The following SSH2 variants were observed in gnomAD, a reference collection of about 807,000 sequenced individuals.
SSH2 encodes protein phosphatase Slingshot homolog 2.
A neutral mutation model predicts 135.2 loss-of-function variants in SSH2; 37 were observed. That is an observed-to-expected ratio of 0.27 (90% CI 0.21 to 0.36). The LOEUF (loss-of-function observed/expected upper bound fraction) is 0.36, where lower values mean the gene tolerates loss of function less well. SSH2 is among the 10% of genes least tolerant of loss of function. The pLI is 1.00. For missense variants in SSH2, 1,408 were observed against 1,765.3 expected, an observed-to-expected ratio of 0.80 and a Z score of 3.63; for synonymous variants, 628 against 646.2, an observed-to-expected ratio of 0.97 and a Z score of 0.43.
rs1326417468 is a variant in SSH2 at position 29,632,732 on chromosome 17, TG to T, written c.2461del (p.Gln821ArgfsTer23). 2 of 1,614,112 alleles carry T rather than the reference TG, an allele frequency of 1.2e-6. No homozygotes were observed. On this transcript the variant is annotated frameshift_variant, in exon 16 of 16. Coordinates refer to ENST00000540801, the MANE Select transcript of SSH2 (RefSeq NM_001282129.2). LOFTEE classifies it high-confidence loss of function. ...ATGTCCAGGTTTGTTCTCTGGAGTCTGGGCCCTCTCAAGGAGCAGCTCATGG... is the reference window on the plus strand; with the variant it reads ...ATGTCCAGGTTTGTTCTCTGGAGTCTGGCCCTCTCAAGGAGCAGCTCATGG... The part of the protein sequence containing the change: ...SIHELLLERA[Q>X]TPENKPGHME...
At chr17:29,872,921 G>C (rs2065963381) in intron 1 of SSH2, among the ~76,000 whole-genome samples, 1 of 150,968 alleles carries the variant, frequency 6.6e-6, no homozygotes, top group Non-Finnish European at 1.5e-5. Context: ...ACTTGAACCG[G>C]GGAGGCAAAG....
At chr17:29,850,857 C>T (rs1226642761) in intron 1 of SSH2, among the ~76,000 whole-genome samples, 1 of 152,046 alleles carries the variant, frequency 6.6e-6, no homozygotes, top group African/African-American at 2.4e-5. Context: ...TGGTGGCGGG[C>T]GCCTGCAGTC....
intron 13 of SSH2, among the ~76,000 whole-genome samples, chr17:29,649,794 C>A (rs571848183): frequency 6.6e-6 from 1 of 152,048 alleles, no homozygotes; most frequent in East Asian, 1.9e-4. Context: ...TAACAGAATT[C>A]AAAAATATAA....
chr17:29,630,656 T>A lies in SSH2; in HGVS notation c.*185A>T. 1 of 442,352 alleles carries A rather than the reference T, an allele frequency of 2.3e-6. No individual in the cohort carries two copies. The highest frequency in any genetic ancestry group is 3.9e-6 in the Non-Finnish European group (1 of 257,290). The allele number at this position is 442,352 out of a possible 1,614,324, so 27.4% of individuals were successfully genotyped here. ...TAAACGGTCTTGCCATCCAGATCAA[T>A]CTCTCTTTCCCCTTACATATACACA... On this transcript the variant is annotated 3_prime_UTR_variant, in exon 16 of 16. Coordinates refer to ENST00000540801, the MANE Select transcript of SSH2 (RefSeq NM_001282129.2).
rs190880699 is a variant in SSH2 at position 29,840,769 on chromosome 17, G to A, written c.144+8080C>T. ...GCTCTCTACTTGGCACAGATAATGC[G>A]CCAGGCCCTCTAAGCACTTTACATA... On this transcript the variant is annotated intron_variant, in intron 2 of 15. Coordinates refer to ENST00000540801, the MANE Select transcript of SSH2 (RefSeq NM_001282129.2). Among the ~76,000 whole-genome samples, 6 of 152,286 alleles carry A rather than the reference G, an allele frequency of 3.9e-5. No homozygotes were observed. In the East Asian group the frequency reaches 5.8e-4, roughly 15 times the overall value.
At chr17:29,775,720 A>G (rs958938038) in intron 3 of SSH2, 7 of 152,184 alleles carry the variant, frequency 4.6e-5, no homozygotes, top group South Asian at 2.1e-4. Context: ...TCCTGAGACA[A>G]TGGTCTTGTT....
At chr17:29,867,312 A>T (rs2065869986) in intron 1 of SSH2, among the ~76,000 whole-genome samples, 1 of 152,192 alleles carries the variant, frequency 6.6e-6, no homozygotes, top group African/African-American at 2.4e-5. Context: ...TTAAAACTGT[A>T]GCATTCTAGT....
At chr17:29,750,422 G>T in intron 3 of SSH2, among the ~76,000 whole-genome samples, 1 of 142,582 alleles carries the variant, frequency 7.0e-6, no homozygotes, top group South Asian at 2.2e-4. Flanking sequence ...ATGGGCAACT[G>T]AGTGAGACTC....
At chr17:29,882,607 C>G (rs1232394574) in intron 1 of SSH2, among the ~76,000 whole-genome samples, 2 of 58,022 alleles carry the variant, frequency 3.4e-5, no homozygotes, top group Admixed American at 5.1e-4. Context: ...CAAAAATTAG[C>G]TGGGCGCAGT....
At chr17:29,845,003 G>A (rs1490001665) in intron 2 of SSH2, among the ~76,000 whole-genome samples, 1 of 152,184 alleles carries the variant, frequency 6.6e-6, no homozygotes, top group African/African-American at 2.4e-5. Flanking sequence ...GTGAAGTGTA[G>A]ATTATACTTT....
intron 2 of SSH2, among the ~76,000 whole-genome samples, chr17:29,813,898 G>A (rs531503211): frequency 1.1e-4 from 17 of 151,708 alleles, no homozygotes; most frequent in Non-Finnish European, 2.1e-4. Flanking sequence ...TTGGGAGGCC[G>A]AGGAGGGCGG....
At chr17:29,752,871 C>A (rs2040993192) in intron 3 of SSH2, among the ~76,000 whole-genome samples, 1 of 150,066 alleles carries the variant, frequency 6.7e-6, no homozygotes. Context: ...ATCAGTTACA[C>A]ATAAAAAGAT....
intron 2 of SSH2, among the ~76,000 whole-genome samples, chr17:29,830,308 G>A (rs1311998411): frequency 6.6e-6 from 1 of 151,800 alleles, no homozygotes; most frequent in Non-Finnish European, 1.5e-5. Flanking sequence ...TTTTTAATTC[G>A]TGTCTTCCCC....
intron 9 of SSH2, among the ~76,000 whole-genome samples, chr17:29,671,549 G>C (rs1214896654): frequency 1.3e-5 from 2 of 152,120 alleles, no homozygotes; most frequent in South Asian, 2.1e-4. Flanking sequence ...CTTGTTTTAA[G>C]TATTACAAAC....
At position 29,930,114 on chromosome 17, in the gene SSH2, G is replaced by T; in HGVS notation, c.-114C>A. ...TGCGGGGTGGGGGTGAAGGGAACGG[G>T]GAGGAGGAGGAGGCCGCGGGAACGG... On this transcript the variant is annotated 5_prime_UTR_variant, in exon 1 of 16. Coordinates refer to ENST00000540801, the MANE Select transcript of SSH2 (RefSeq NM_001282129.2). The T allele has an allele frequency of 1.1e-6, 1 of 927,450 alleles. No individual in the cohort carries two copies. Among genetic ancestry groups the T allele is most frequent in the Non-Finnish European group, 1.6e-6 (1 of 620,782 alleles). The allele number at this position is 927,450 out of a possible 1,614,324, so 57.5% of individuals were successfully genotyped here. A position where few individuals can be genotyped will look rare whatever the true frequency, so the allele number is the denominator to read the frequency against.
At chr17:29,889,575 C>G (rs771601825) in intron 1 of SSH2, among the ~76,000 whole-genome samples, 4 of 151,954 alleles carry the variant, frequency 2.6e-5, no homozygotes, top group Non-Finnish European at 5.9e-5. Flanking sequence ...AATAGGTACA[C>G]TGAACTTCAC....
Position 29,631,357 on chromosome 17 carries a change from G to A in SSH2, c.3837C>T (p.Ser1279=), listed in dbSNP as rs1299008518. 6.2e-7 allele frequency: 1 copy of A among 1,613,978 alleles called. No homozygotes were observed. The highest frequency in any genetic ancestry group is 2.2e-5 in the East Asian group (1 of 44,892). ...VVFQAGLTKP[S]QMRRSASLAK... is the part of the protein sequence containing the mutation. ...CGAGAGAAGCTGAGCGCCTCATTTG[G>A]GATGGTTTGGTGAGCCCTGCCTGGA... The change falls in exon 16 of 16, where the codon TCC becomes TCT. Residue 1279 remains serine, a synonymous_variant. Coordinates refer to ENST00000540801, the MANE Select transcript of SSH2 (RefSeq NM_001282129.2).
chr17:29,639,147 G>C (rs1598691920), intron 14 of SSH2, among the ~76,000 whole-genome samples: 2 of 152,228 alleles, frequency 1.3e-5, no homozygotes, highest in African/African-American at 4.8e-5. Context: ...GAGACACGTG[G>C]AAAAAGCAGG....
In SSH2 at chr17:29,737,364, G is replaced by A. The variant is rs566371288; in HGVS notation, c.189-34302C>T. 1.1e-4 allele frequency among the ~76,000 whole-genome samples: 16 copies of A among 151,902 alleles called. No homozygotes were observed. In the East Asian group the frequency reaches 2.9e-3, roughly 28 times the overall value. On this transcript the variant is annotated intron_variant, in intron 3 of 15. Transcript: ENST00000540801. ...TCTGTCCTCCATTATTTTTTCTTTA[G>A]AGCTATATCAGCTAATTATTTATTT...
Sources: allele counts gnomAD v4.1 joint callset (sites outside exome capture counted in the v4.1 genomes callset), GRCh38; gene constraint gnomAD v4.1.1; transcripts MANE v1.5; gene names NCBI Gene and HGNC (gene_info 2026-07-23, HGNC 2026-07-21).